Variants in TMTC2 observed in about 807,000 individuals in gnomAD.
TMTC2 encodes the protein protein O-mannosyl-transferase TMTC2.
In TMTC2, 43 loss-of-function variants were observed where a neutral mutation model predicts 82.4. The ratio of observed to expected loss-of-function variants is 0.52; its 90% CI spans 0.41 to 0.67. The LOEUF is 0.67. Ranked by LOEUF, TMTC2 falls within the 30% of genes least tolerant of loss-of-function variation. The probability of loss-of-function intolerance (pLI) is 0.00; values close to 1 mark genes in which losing one functional copy is unlikely to be tolerated. For synonymous variants in TMTC2, 408 were observed against 381.9 expected, an observed-to-expected ratio of 1.07 and a Z score of -0.80; for missense variants, 919 against 1,012.4, an observed-to-expected ratio of 0.91 and a Z score of 1.25.
At chr12:82,874,707 A>T (rs1285874961) in intron 2 of TMTC2, among the ~76,000 whole-genome samples, 1 of 152,114 alleles carries the variant, frequency 6.6e-6, no homozygotes, top group Non-Finnish European at 1.5e-5. Context: ...ATACTTGATT[A>T]TCTAAAATGG....
intron 1 of TMTC2, among the ~76,000 whole-genome samples, chr12:82,800,759 C>A (rs570117199): frequency 6.6e-6 from 1 of 152,068 alleles, no homozygotes; most frequent in Non-Finnish European, 1.5e-5. Context: ...AGGGTTTGTC[C>A]TTGTCGATTT....
intron 4 of TMTC2, among the ~76,000 whole-genome samples, chr12:82,948,701 A>C (rs1481529452): frequency 6.6e-6 from 1 of 152,222 alleles, no homozygotes; most frequent in East Asian, 1.9e-4. Context: ...TTTATGTTTA[A>C]AGTGAGTGCA....
At chr12:82,940,014 CTTTTTTTTTTTTTT>C (rs71309537) in intron 4 of TMTC2, among the ~76,000 whole-genome samples, 27 of 91,264 alleles carry the variant, frequency 3.0e-4, no homozygotes, top group South Asian at 1.4e-3. Context: ...TCTTTCTTTA[CTTTTTTTTTTTTTT>C]TTTTTTTTTG....
At chr12:83,033,770 A>G (rs189866020) in intron 9 of TMTC2, among the ~76,000 whole-genome samples, 29 of 150,790 alleles carry the variant, frequency 1.9e-4, no homozygotes, top group African/African-American at 6.8e-4. Flanking sequence ...TAAATAAATA[A>G]ACAAAAAAAC....
At chr12:82,863,874 T>C (rs1248290161) in intron 2 of TMTC2, among the ~76,000 whole-genome samples, 1 of 152,106 alleles carries the variant, frequency 6.6e-6, no homozygotes, top group Non-Finnish European at 1.5e-5. Context: ...CATGTAAATA[T>C]AGAATTGAAA....
intron 11 of TMTC2, among the ~76,000 whole-genome samples, chr12:83,125,955 A>G (rs1885086942): frequency 6.6e-6 from 1 of 152,170 alleles, no homozygotes; most frequent in African/African-American, 2.4e-5. Context: ...CTGTTCCTAG[A>G]AACTCTTCCC....
intron 1 of TMTC2, among the ~76,000 whole-genome samples, chr12:82,755,511 A>T (rs1455703502): frequency 1.3e-5 from 2 of 152,244 alleles, no homozygotes; most frequent in Non-Finnish European, 2.9e-5. Context: ...ATTATTTAAA[A>T]GAAGACTTTA....
chr12:83,097,624 G>T (rs1884074200), intron 11 of TMTC2, among the ~76,000 whole-genome samples: 2 of 152,026 alleles, frequency 1.3e-5, no homozygotes, highest in Non-Finnish European at 2.9e-5. Context: ...TTATTCTGAG[G>T]GTAGAGAGAC....
At chr12:83,093,976 A>T (rs1883933103) in intron 11 of TMTC2, among the ~76,000 whole-genome samples, 1 of 152,332 alleles carries the variant, frequency 6.6e-6, no homozygotes, top group South Asian at 2.1e-4. Context: ...TTGCTATGAG[A>T]ATGTTGAATG....
chr12:82,960,382 G>A (rs1877863530), intron 4 of TMTC2, among the ~76,000 whole-genome samples: 2 of 151,904 alleles, frequency 1.3e-5, no homozygotes, highest in African/African-American at 4.8e-5. Flanking sequence ...ATCAATCTAG[G>A]TTCTGTTAAT....
At chr12:82,856,237 C>T (rs1276569948) in intron 1 of TMTC2, among the ~76,000 whole-genome samples, 1 of 152,152 alleles carries the variant, frequency 6.6e-6, no homozygotes, top group Non-Finnish European at 1.5e-5. Flanking sequence ...TGGAAACTAT[C>T]CTCAAAAGCA....
At chr12:83,029,893 G>C (rs1023893892) in intron 8 of TMTC2, among the ~76,000 whole-genome samples, 6 of 152,056 alleles carry the variant, frequency 3.9e-5, no homozygotes, top group Non-Finnish European at 7.3e-5. Flanking sequence ...TATTTTCCTT[G>C]TGCGTATGAT....
At chr12:83,006,069 G>T (rs1169348489) in intron 8 of TMTC2, among the ~76,000 whole-genome samples, 1 of 152,172 alleles carries the variant, frequency 6.6e-6, no homozygotes, top group Non-Finnish European at 1.5e-5. Flanking sequence ...TGTCTGTAGG[G>T]GTGGTGGCAT....
intron 3 of TMTC2, among the ~76,000 whole-genome samples, chr12:82,925,031 C>T (rs944841850): frequency 6.6e-6 from 1 of 152,134 alleles, no homozygotes; most frequent in Non-Finnish European, 1.5e-5. Flanking sequence ...ACATCAAGTT[C>T]ATTTTTGCCT....
At chr12:82,934,220 G>T (rs918951147) in intron 4 of TMTC2, among the ~76,000 whole-genome samples, 1 of 152,028 alleles carries the variant, frequency 6.6e-6, no homozygotes, top group African/African-American at 2.4e-5. Flanking sequence ...TGCAACACTT[G>T]TATTTCTTTT....
intron 11 of TMTC2, among the ~76,000 whole-genome samples, chr12:83,064,610 T>A (rs1030758977): frequency 3.3e-5 from 5 of 151,916 alleles, no homozygotes; most frequent in African/African-American, 1.2e-4. Flanking sequence ...GAGGAAACAG[T>A]GATAAAATAC....
intron 1 of TMTC2, among the ~76,000 whole-genome samples, chr12:82,794,086 A>C (rs943245716): frequency 1.3e-5 from 2 of 152,084 alleles, no homozygotes; most frequent in East Asian, 3.9e-4. Context: ...GTGACTGTTC[A>C]CTTATTTGCC....
intron 9 of TMTC2, among the ~76,000 whole-genome samples, chr12:83,047,732 T>C (rs1372661099): frequency 1.3e-5 from 2 of 152,256 alleles, no homozygotes; most frequent in Non-Finnish European, 2.9e-5. Flanking sequence ...CTAAAAATTA[T>C]ATGTTCCATG....
At chr12:82,699,675 A>T (rs1592856538) in intron 1 of TMTC2, among the ~76,000 whole-genome samples, 1 of 152,184 alleles carries the variant, frequency 6.6e-6, no homozygotes, top group African/African-American at 2.4e-5. Context: ...CAGGGTGGCA[A>T]CGTGTAATAA....
Sources: allele counts gnomAD v4.1 joint callset (sites outside exome capture counted in the v4.1 genomes callset), GRCh38; gene constraint gnomAD v4.1.1; transcripts MANE v1.5; gene names NCBI Gene and HGNC (gene_info 2026-07-23, HGNC 2026-07-21).